Variants in TMC1 observed in about 807,000 individuals in gnomAD.
The protein encoded by TMC1 is transmembrane channel-like protein 1.
TMC1 carries 84 observed loss-of-function variants against 105.8 expected under a neutral mutation model. The observed-to-expected ratio is 0.79, with a 90% CI of 0.67 to 0.95. TMC1 has a LOEUF of 0.95. Ranked by LOEUF, TMC1 falls within the 40% of genes least tolerant of loss-of-function variation. The pLI is 0.00. For missense variants in TMC1, 817 were observed against 914.1 expected, an observed-to-expected ratio of 0.89 and a Z score of 1.37; for synonymous variants, 315 against 311.5, an observed-to-expected ratio of 1.01 and a Z score of -0.12.
At chr9:72,796,226 T>C (rs1469045728) in intron 17 of TMC1, among the ~76,000 whole-genome samples, 3 of 152,070 alleles carry the variant, frequency 2.0e-5, no homozygotes, top group African/African-American at 7.2e-5. Context: ...CAAAGAGACA[T>C]AGGCTACCAC....
At chr9:72,630,673 C>T (rs1016838540) in intron 4 of TMC1, among the ~76,000 whole-genome samples, 15 of 152,148 alleles carry the variant, frequency 9.9e-5, no homozygotes, top group Admixed American at 7.9e-4. Context: ...TATATGTCTG[C>T]ATATGTATCT....
At chr9:72,603,962 G>T (rs1330741323) in intron 2 of TMC1, among the ~76,000 whole-genome samples, 1 of 146,102 alleles carries the variant, frequency 6.8e-6, no homozygotes. Context: ...TGCCTCCTGG[G>T]TTCAAGCAAT....
chr9:72,696,392 T>C (rs1055266995), intron 7 of TMC1, among the ~76,000 whole-genome samples: 2 of 152,222 alleles, frequency 1.3e-5, no homozygotes, highest in African/African-American at 4.8e-5. Flanking sequence ...GTGCATCTAT[T>C]ATAAATAGTA....
At chr9:72,654,978 G>A (rs1355479461) in intron 5 of TMC1, among the ~76,000 whole-genome samples, 2 of 152,038 alleles carry the variant, frequency 1.3e-5, no homozygotes. Flanking sequence ...GATATGGTTT[G>A]GCCCTGTGTC....
chr9:72,746,362 T>C (rs1025750799), intron 10 of TMC1, among the ~76,000 whole-genome samples: 4 of 152,180 alleles, frequency 2.6e-5, no homozygotes, highest in Non-Finnish European at 5.9e-5. Flanking sequence ...CTACCCTCAT[T>C]GATCTTACAT....
chr9:72,674,208 T>G (rs1450546184), intron 5 of TMC1, among the ~76,000 whole-genome samples: 2 of 152,230 alleles, frequency 1.3e-5, no homozygotes, highest in Non-Finnish European at 2.9e-5. Context: ...TAATTTTCCT[T>G]AAATTGGTCT....
At chr9:72,560,726 C>T (rs143201230) in intron 1 of TMC1, among the ~76,000 whole-genome samples, 18,740 of 151,600 alleles carry the variant, frequency 0.12, 1,318 homozygotes, top group Non-Finnish European at 0.17. Context: ...TCTCTTGATC[C>T]GCCCGCCTCC....
At chr9:72,584,705 C>T (rs922912801) in intron 2 of TMC1, among the ~76,000 whole-genome samples, 1 of 151,506 alleles carries the variant, frequency 6.6e-6, no homozygotes, top group Non-Finnish European at 1.5e-5. Context: ...TTTAAGGGAA[C>T]TTCTGGGTAA....
At chr9:72,678,352 T>C (rs1826235543) in intron 5 of TMC1, among the ~76,000 whole-genome samples, 1 of 152,112 alleles carries the variant, frequency 6.6e-6, no homozygotes, top group South Asian at 2.1e-4. Flanking sequence ...CATTTCCACA[T>C]TGAAGACAAC....
rs146044752 is a variant in TMC1 at position 72,653,326 on chromosome 9, A to G, written c.16+4662A>G. ...CTATGAAAATTAGGAACATTGACAC[A>G]TTTGTTCCTAACCTGGTTTGTGCTT... is the stretch of plus-strand genomic sequence containing the variant. On this transcript the variant is annotated intron_variant, in intron 5 of 23. Transcript: ENST00000297784. Among the ~76,000 whole-genome samples, 3 of 152,246 alleles carry G rather than the reference A, an allele frequency of 2.0e-5. No homozygotes were observed. The East Asian group carries it at 5.8e-4, about 29-fold the overall frequency.
Position 72,821,037 on chromosome 9 carries a change from C to G in TMC1, c.1959C>G (p.Tyr653Ter), listed in dbSNP as rs2118299228. The change falls in exon 20 of 24, where the codon TAC becomes TAG. Residue 653 changes from tyrosine (Y) to a stop codon, truncating the protein, a stop_gained. Coordinates refer to ENST00000297784, the MANE Select transcript of TMC1 (RefSeq NM_138691.3). LOFTEE classifies it high-confidence loss of function. The stretch of plus-strand genomic sequence containing the variant: ...TCCTGTCCACAATGCCTGTCTTGTA[C>G]ATGATCGTGTCCCTCCCACCATCTT... ...ILFLSTMPVL[Y>*]MIVSLPPSFD... The G allele has an allele frequency of 1.2e-6, 2 of 1,614,194 alleles. No homozygotes were observed. The highest frequency in any genetic ancestry group is 8.5e-7 in the Non-Finnish European group (1 of 1,180,022).
chr9:72,556,859 T>G (rs1823950194), intron 1 of TMC1, among the ~76,000 whole-genome samples: 1 of 151,458 alleles, frequency 6.6e-6, no homozygotes, highest in Admixed American at 6.6e-5. Flanking sequence ...AAAAATTGGT[T>G]CTTGAGCAGG....
At chr9:72,742,847 G>A (rs1017011613) in intron 10 of TMC1, among the ~76,000 whole-genome samples, 2 of 152,174 alleles carry the variant, frequency 1.3e-5, no homozygotes, top group Admixed American at 1.3e-4. Flanking sequence ...TTACTTGGAA[G>A]GCAGAGATTT....
chr9:72,771,936 A>T (rs4070200), intron 12 of TMC1, among the ~76,000 whole-genome samples: 10,678 of 152,166 alleles, frequency 0.07, 443 homozygotes, highest in African/African-American at 0.11. Flanking sequence ...GCTCTTTGAT[A>T]TTTGTGAAGT....
chr9:72,609,078 TTCCTCCTTCCCCATCTC>T (rs1386029221), intron 2 of TMC1, among the ~76,000 whole-genome samples: 5 of 152,016 alleles, frequency 3.3e-5, no homozygotes, highest in African/African-American at 1.2e-4. Flanking sequence ...TTTTCTTCCT[TTCCTCCTTCCCCATCTC>T]TCCATCTCAC....
chr9:72,666,933 C>G (rs929713792), intron 5 of TMC1, among the ~76,000 whole-genome samples: 1 of 150,750 alleles, frequency 6.6e-6, no homozygotes, highest in East Asian at 2.0e-4. Flanking sequence ...AAACAATAAA[C>G]GAAACACATG....
At chr9:72,645,030 T>C (rs926690890) in intron 4 of TMC1, among the ~76,000 whole-genome samples, 1 of 151,992 alleles carries the variant, frequency 6.6e-6, no homozygotes, top group African/African-American at 2.4e-5. Context: ...ATGGGGAAAA[T>C]GTCACATTAT....
rs962952575 is a variant in TMC1, at chr9:72,654,317, G to T, written c.16+5653G>T. Among the ~76,000 whole-genome samples, 8 of 152,310 alleles carry T rather than the reference G, an allele frequency of 5.3e-5. No individual in the cohort carries two copies. The East Asian group carries it at 1.5e-3, about 29-fold the overall frequency. On this transcript the variant is annotated intron_variant, in intron 5 of 23. Transcript: ENST00000297784. ...AAATTTTAGCCTTTTGAGAAAATGTGTAGTGGTACTTCATTGTAGTTTTAG... is the reference window on the plus strand; with the variant it reads ...AAATTTTAGCCTTTTGAGAAAATGTTTAGTGGTACTTCATTGTAGTTTTAG...
chr9:72,760,987 G>A (rs570845526), intron 12 of TMC1, among the ~76,000 whole-genome samples: 1 of 152,250 alleles, frequency 6.6e-6, no homozygotes, highest in South Asian at 2.1e-4. Flanking sequence ...TGCATGATCA[G>A]CTAGTCTCAG....
Sources: allele counts gnomAD v4.1 joint callset (sites outside exome capture counted in the v4.1 genomes callset), GRCh38; gene constraint gnomAD v4.1.1; transcripts MANE v1.5; gene names NCBI Gene and HGNC (gene_info 2026-07-23, HGNC 2026-07-21).